Variants in PGGT1B observed in about 807,000 individuals in gnomAD.
PGGT1B encodes the protein protein geranylgeranyltransferase type I subunit beta.
In PGGT1B, 30 loss-of-function variants were observed where a neutral mutation model predicts 46.1. That is an observed-to-expected ratio of 0.65 (90% CI 0.49 to 0.88). The LOEUF (loss-of-function observed/expected upper bound fraction) is 0.88, where lower values mean the gene tolerates loss of function less well. Ranked by LOEUF, PGGT1B falls within the 40% of genes least tolerant of loss-of-function variation. The pLI, the probability that PGGT1B is intolerant of heterozygous loss-of-function variation, is 0.00. For synonymous variants in PGGT1B, 170 were observed against 160.0 expected (o/e 1.06, Z -0.47); for missense variants, 376 against 455.9 (o/e 0.82, Z 1.60).
intron 1 of PGGT1B, among the ~76,000 whole-genome samples, chr5:115,261,085 A>G (rs1748537397): frequency 1.3e-5 from 2 of 152,368 alleles, no homozygotes; most frequent in African/African-American, 2.4e-5. Flanking sequence ...TTATGTATCA[A>G]TAACAAAAAC....
chr5:115,229,794 T>G (rs1309686387), intron 6 of PGGT1B, among the ~76,000 whole-genome samples: 1 of 152,086 alleles, frequency 6.6e-6, no homozygotes, highest in African/African-American at 2.4e-5. Flanking sequence ...ACTAGTAACA[T>G]AATTGTTATT....
chr5:115,241,578 T>A lies in PGGT1B; in HGVS notation c.288A>T (p.Arg96=). 1 of 1,608,450 alleles carries A rather than the reference T, an allele frequency of 6.2e-7. No homozygotes were observed. Among genetic ancestry groups the A allele is most frequent in the Admixed American group, 1.7e-5 (1 of 59,254 alleles). The change falls in exon 3 of 9, where the codon CGA becomes CGT. Residue 96 remains arginine, a synonymous_variant. Transcript: ENST00000419445. The stretch of plus-strand genomic sequence containing the variant: ...ACGGAATACCCAGGTATGAAGAGCC[T>A]CGGAAACCACAGCGATTTAGATTTG... ...DRSNLNRCGF[R]GSSYLGIPFN... is the part of the protein sequence containing the mutation.
At chr5:115,238,744 C>T (rs1314861736) in intron 3 of PGGT1B, among the ~76,000 whole-genome samples, 2 of 152,092 alleles carry the variant, frequency 1.3e-5, no homozygotes, top group Non-Finnish European at 2.9e-5. Flanking sequence ...CACTGGCTTG[C>T]TTAATGTTCC....
At chr5:115,243,880 A>G (rs757882170) in intron 2 of PGGT1B, among the ~76,000 whole-genome samples, 26 of 152,016 alleles carry the variant, frequency 1.7e-4, no homozygotes, top group Non-Finnish European at 2.9e-4. Context: ...CATATCTCAG[A>G]GTGGCAACGG....
chr5:115,237,776 A>G (rs575732968), intron 4 of PGGT1B, 82 bp downstream of exon 4: 2 of 1,162,138 alleles, frequency 1.7e-6, no homozygotes, highest in East Asian at 4.8e-5. Context: ...TCCTCTAAAG[A>G]TCTAGTATAG....
chr5:115,236,396 CCTT>C lies in PGGT1B; in HGVS notation c.603_605del (p.Arg202del). 6.3e-7 allele frequency: 1 copy of C among 1,591,788 alleles called. No homozygotes were observed. Among genetic ancestry groups the C allele is most frequent in the Non-Finnish European group, 8.5e-7 (1 of 1,171,916 alleles). ...TTTTATCAACAGAACTCACCATACT[CCTT>C]CTAATATAGGTGATGGCTTTTTTCA... On this transcript the variant is annotated inframe_deletion, in exon 5 of 9. Transcript: ENST00000419445.
At chr5:115,244,177 T>A (rs991349798) in intron 2 of PGGT1B, among the ~76,000 whole-genome samples, 1 of 152,030 alleles carries the variant, frequency 6.6e-6, no homozygotes, top group Non-Finnish European at 1.5e-5. Flanking sequence ...GAATTCTACC[T>A]AACACAGGTT....
At chr5:115,258,418 G>T (rs3805581) in intron 1 of PGGT1B, among the ~76,000 whole-genome samples, 58,456 of 151,776 alleles carry the variant, frequency 0.39, 11,797 homozygotes, top group East Asian at 0.48. Flanking sequence ...TGTGATATAT[G>T]ACTATATATA....
intron 1 of PGGT1B, among the ~76,000 whole-genome samples, chr5:115,256,766 G>C (rs1279553806): frequency 2.6e-5 from 4 of 152,184 alleles, no homozygotes; most frequent in South Asian, 4.1e-4. Flanking sequence ...GGGCCTCCCA[G>C]AGAAATAGTA....
intron 6 of PGGT1B, 61 bp downstream of exon 6, chr5:115,230,915 A>C: frequency 1.0e-6 from 1 of 996,216 alleles, no homozygotes; most frequent in Non-Finnish European, 1.6e-6. Context: ...TACTGAAGAC[A>C]CCAAGATGTT....
intron 7 of PGGT1B, 47 bp downstream of exon 7, chr5:115,221,777 A>G (rs750563323): frequency 8.2e-7 from 1 of 1,218,632 alleles, no homozygotes; most frequent in Non-Finnish European, 1.2e-6. Context: ...AGCACAATCT[A>G]TATGAACACA....
intron 6 of PGGT1B, among the ~76,000 whole-genome samples, chr5:115,222,691 C>A (rs908348357): frequency 3.3e-5 from 5 of 152,152 alleles, no homozygotes; most frequent in Non-Finnish European, 5.9e-5. Flanking sequence ...TTTATTGTGG[C>A]ACTATTCACA....
At chr5:115,214,696 C>G (rs1265454487) in intron 8 of PGGT1B, among the ~76,000 whole-genome samples, 1 of 152,104 alleles carries the variant, frequency 6.6e-6, no homozygotes, top group Non-Finnish European at 1.5e-5. Flanking sequence ...CTGAACTCTC[C>G]GGAAAAAGCC....
chr5:115,239,411 C>G (rs907133590), intron 3 of PGGT1B, among the ~76,000 whole-genome samples: 3 of 152,184 alleles, frequency 2.0e-5, no homozygotes, highest in African/African-American at 7.2e-5. Context: ...GTCTTTCATT[C>G]TAAGTTCCTC....
At position 115,221,852 on chromosome 5, in the gene PGGT1B, T is replaced by C. The variant is rs756936954; in HGVS notation, c.815A>G (p.Tyr272Cys). 2.5e-6 allele frequency: 4 copies of C among 1,599,492 alleles called. No homozygotes were observed. The highest frequency in any genetic ancestry group is 2.6e-6 in the Non-Finnish European group (3 of 1,175,156). ...CAGAGTTGCTCCCACCCAAAAAGAA[T>C]AACAGGTGTCTACAGGCTTATTAGG... ...GRPNKPVDTC[Y>C]SFWVGATLKL... The change falls in exon 7 of 9, where the codon TAT becomes TGT. Residue 272 changes from tyrosine (Y) to cysteine (C), a missense_variant. Physicochemically the swap from Tyr to Cys is radical, Grantham distance 194 (BLOSUM62 -2). This residue lies in a region of PGGT1B where 222 missense variants were observed against 313.6 expected (regional missense o/e 0.71). Transcript: ENST00000419445.
At chr5:115,236,141 T>C (rs911491802) in intron 5 of PGGT1B, among the ~76,000 whole-genome samples, 1 of 152,124 alleles carries the variant, frequency 6.6e-6, no homozygotes, top group Non-Finnish European at 1.5e-5. Context: ...TTCTTTTAAG[T>C]CAACCAATCC....
rs139591294 is a variant in PGGT1B at position 115,230,380 on chromosome 5, A to G, written c.658+596T>C. Reference sequence around the variant, plus strand: ...TTTTAGAAAAGAAGAATGGAAGCTTATTTATCTCCAAATGGAAATTTCAAC... The same window carrying G: ...TTTTAGAAAAGAAGAATGGAAGCTTGTTTATCTCCAAATGGAAATTTCAAC... On this transcript the variant is annotated intron_variant, in intron 6 of 8. Coordinates refer to ENST00000419445, the MANE Select transcript of PGGT1B (RefSeq NM_005023.4). Among the ~76,000 whole-genome samples the G allele has an allele frequency of 1.0e-3, 153 of 152,226 alleles. 1 individual carries two copies. Among genetic ancestry groups the G allele is most frequent in the African/African-American group, 3.6e-3 (148 of 41,552 alleles).
chr5:115,221,135 G>A lies in PGGT1B; in HGVS notation c.843+689C>T, dbSNP rs549250992. Among the ~76,000 whole-genome samples the A allele has an allele frequency of 2.0e-5, 3 of 151,942 alleles. No individual in the cohort carries two copies. The South Asian group carries it at 6.2e-4, about 32-fold the overall frequency. ...TTTCAACCTTATACATAAATTTTAA[G>A]AGAAAAAATTAGGATATTATGGAGA... On this transcript the variant is annotated intron_variant, in intron 7 of 8. Transcript: ENST00000419445.
chr5:115,254,877 G>C (rs1748248192), intron 1 of PGGT1B, among the ~76,000 whole-genome samples: 1 of 152,006 alleles, frequency 6.6e-6, no homozygotes, highest in African/African-American at 2.4e-5. Flanking sequence ...AGATCTATTT[G>C]AATTAGAGAG....
Sources: gnomAD v4.1 joint callset for allele counts (sites outside exome capture counted in the v4.1 genomes callset) on GRCh38, gnomAD v4.1.1 for gene constraint, gnomAD v4.1.1 regional missense constraint, MANE v1.5 for transcripts, NCBI Gene and HGNC (gene_info 2026-07-23, HGNC 2026-07-21) for gene names.